DAW1: variants seen among roughly 807,000 people sequenced by gnomAD.
DAW1 encodes the protein dynein assembly factor with WD repeat domains 1.
DAW1 carries 47 observed loss-of-function variants against 56.5 expected under a neutral mutation model. The ratio of observed to expected loss-of-function variants is 0.83; its 90% confidence interval spans 0.66 to 1.06. DAW1 has a LOEUF of 1.06. Among genes scored for constraint, DAW1 ranks in the 50% least tolerant of loss-of-function variants. DAW1 has a pLI of 0.00. For missense variants in DAW1, 505 were observed against 499.3 expected (o/e 1.01, Z -0.11); for synonymous variants, 190 against 179.0 (o/e 1.06, Z -0.49).
At chr2:227,898,112 T>A (rs1244768626) in intron 5 of DAW1, 70 bp from the exon 6 acceptor site, 7 of 997,378 alleles carry the variant, frequency 7.0e-6, no homozygotes, top group Non-Finnish European at 8.2e-6. Context: ...TGTATTAATA[T>A]CTCATCTTAG....
intron 10 of DAW1, among the ~76,000 whole-genome samples, chr2:227,915,302 G>T (rs1691925567): frequency 6.6e-6 from 1 of 151,846 alleles, no homozygotes; most frequent in South Asian, 2.1e-4. Context: ...TCTATTATGG[G>T]TCATCTTTTT....
At chr2:227,908,353 A>G (rs901115289) in intron 10 of DAW1, among the ~76,000 whole-genome samples, 1 of 152,198 alleles carries the variant, frequency 6.6e-6, no homozygotes. Context: ...ACAAATATGT[A>G]TGATACTAAC....
intron 10 of DAW1, chr2:227,912,216 T>C: frequency 2.4e-6 from 1 of 411,412 alleles, no homozygotes; most frequent in Non-Finnish European, 4.7e-6. Flanking sequence ...ATGCTATATC[T>C]ATGTCACCTT....
chr2:227,910,080 C>T (rs570073466), intron 10 of DAW1, among the ~76,000 whole-genome samples: 9 of 152,202 alleles, frequency 5.9e-5, no homozygotes, highest in East Asian at 1.9e-4. Flanking sequence ...ATGTGTTATG[C>T]GTACCTTATT....
chr2:227,872,234 G>A (rs2106180945), intron 1 of DAW1: 1 of 147,698 alleles, frequency 6.8e-6, no homozygotes, highest in African/African-American at 2.5e-5. Flanking sequence ...GCAATTCTTG[G>A]GTTCTAATTC....
At chr2:227,918,612 C>G (rs894967018) in intron 10 of DAW1, among the ~76,000 whole-genome samples, 168 bp from the exon 11 acceptor site, 3 of 152,136 alleles carry the variant, frequency 2.0e-5, no homozygotes, top group Non-Finnish European at 2.9e-5. Context: ...GCAATGGGAC[C>G]AGCAGGCATT....
intron 12 of DAW1, 43 bp downstream of exon 12, chr2:227,921,604 GGCTGTTAGAGTTCCCAA>G (rs749154814): frequency 1.3e-6 from 2 of 1,573,972 alleles, no homozygotes; most frequent in Non-Finnish European, 1.7e-6. Flanking sequence ...TTTCTTGATT[GGCTGTTAGAGTTCCCAA>G]GCTGAATACT....
chr2:227,915,075 T>C (rs917820955), intron 10 of DAW1, among the ~76,000 whole-genome samples: 2 of 152,058 alleles, frequency 1.3e-5, no homozygotes, highest in African/African-American at 2.4e-5. Context: ...ATCATACCCT[T>C]GACAAAAACA....
intron 12 of DAW1, among the ~76,000 whole-genome samples, chr2:227,923,105 C>T (rs545346096): frequency 6.6e-6 from 1 of 152,326 alleles, no homozygotes; most frequent in Non-Finnish European, 1.5e-5. Context: ...GAAGATACCA[C>T]TGATTAATTT....
At chr2:227,900,536 G>A (rs528440311) in intron 6 of DAW1, among the ~76,000 whole-genome samples, 17 of 152,122 alleles carry the variant, frequency 1.1e-4, no homozygotes, top group Non-Finnish European at 4.4e-5. Flanking sequence ...TTTCAGTGTG[G>A]ACACAGAGGG....
intron 11 of DAW1, among the ~76,000 whole-genome samples, chr2:227,920,628 A>G (rs1014992350): frequency 2.6e-5 from 4 of 152,234 alleles, no homozygotes; most frequent in African/African-American, 9.6e-5. Flanking sequence ...GGCACAGATT[A>G]GAGAAGGATC....
chr2:227,888,462 A>G (rs1691180805), intron 2 of DAW1, among the ~76,000 whole-genome samples: 1 of 152,254 alleles, frequency 6.6e-6, no homozygotes, highest in Non-Finnish European at 1.5e-5. Flanking sequence ...ATCTCTGCCA[A>G]TCTGGAAGAG....
rs143154745 is a variant in DAW1 at position 227,894,938 on chromosome 2, A to G, written c.440+1021A>G. On this transcript the variant is annotated intron_variant, in intron 5 of 12. Coordinates refer to ENST00000309931, the MANE Select transcript of DAW1 (RefSeq NM_178821.3). ...ATTGTAATTGTGTAACATAACGTGT[A>G]ATTTAACTAAATATTACATAAACCA... 8.3e-4 allele frequency among the ~76,000 whole-genome samples: 126 copies of G among 152,368 alleles called. 1 individual carries two copies. The highest frequency in any genetic ancestry group is 2.9e-3 in the African/African-American group (121 of 41,586).
chr2:227,906,860 C>T (rs1450206252), intron 9 of DAW1, among the ~76,000 whole-genome samples: 1 of 152,160 alleles, frequency 6.6e-6, no homozygotes, highest in Non-Finnish European at 1.5e-5. Flanking sequence ...GTAAAGCATA[C>T]ACGTTGAGAT....
intron 1 of DAW1, chr2:227,876,550 T>C (rs965762996): frequency 3.3e-5 from 42 of 1,266,418 alleles, no homozygotes; most frequent in Non-Finnish European, 4.2e-5. Context: ...ACTGAATCAT[T>C]CCCGTGCTAC....
intron 2 of DAW1, 99 bp downstream of exon 2, chr2:227,885,522 T>C (rs1195714695): frequency 2.2e-6 from 2 of 893,652 alleles, no homozygotes; most frequent in Non-Finnish European, 1.6e-6. Context: ...TAATACATTA[T>C]GTTTTAAAAA....
chr2:227,890,022 A>C, intron 3 of DAW1, 22 bp downstream of exon 3: 2 of 1,496,070 alleles, frequency 1.3e-6, no homozygotes, highest in Non-Finnish European at 1.8e-6. Context: ...AAAAACAATC[A>C]GATAGAAGAA....
rs764100521 is a variant in DAW1 at position 227,924,015 on chromosome 2, A to C, written c.*47A>C. On this transcript the variant is annotated 3_prime_UTR_variant, in exon 13 of 13. Transcript: ENST00000309931. ...GCAACCTTGCTAGCAATGGTAATCA[A>C]GAACTGGAACTTCACAGACAGCAGC... is the stretch of plus-strand genomic sequence containing the variant. 1.2e-6 allele frequency: 2 copies of C among 1,609,018 alleles called. No homozygotes were observed. The highest frequency in any genetic ancestry group is 2.7e-5 in the African/African-American group (2 of 74,764).
intron 1 of DAW1, among the ~76,000 whole-genome samples, chr2:227,879,396 T>C (rs1276871140): frequency 1.3e-5 from 2 of 152,150 alleles, no homozygotes; most frequent in Non-Finnish European, 2.9e-5. Context: ...CTCCTGACTT[T>C]TGTCCAATTT....
Sources: gnomAD v4.1 joint callset for allele counts (sites outside exome capture counted in the v4.1 genomes callset) on GRCh38, gnomAD v4.1.1 for gene constraint, MANE v1.5 for transcripts, NCBI Gene and HGNC (gene_info 2026-07-23, HGNC 2026-07-21) for gene names.